PRKCA: variants seen among roughly 807,000 people sequenced by gnomAD.
PRKCA encodes protein kinase C alpha type.
Under a neutral mutation model 87.0 loss-of-function variants are expected in PRKCA, and 27 were observed. That is an observed-to-expected ratio of 0.31 (90% CI 0.23 to 0.43). PRKCA has a LOEUF of 0.43. PRKCA is among the 20% of genes least tolerant of loss of function. The pLI, the probability that PRKCA is intolerant of heterozygous loss-of-function variation, is 1.00. For synonymous variants in PRKCA, 329 were observed against 311.1 expected (o/e 1.06, Z -0.61); for missense variants, 518 against 852.3 (o/e 0.61, Z 4.88).
At chr17:66,647,406 A>G (rs771664914) in intron 5 of PRKCA, among the ~76,000 whole-genome samples, 3 of 152,192 alleles carry the variant, frequency 2.0e-5, no homozygotes, top group Non-Finnish European at 4.4e-5. Flanking sequence ...ATGGGTTTAC[A>G]TGTGGCTACC....
chr17:66,444,940 A>G (rs1009064534), intron 2 of PRKCA, among the ~76,000 whole-genome samples: 3 of 152,150 alleles, frequency 2.0e-5, no homozygotes, highest in South Asian at 2.1e-4. Flanking sequence ...AACACAACAC[A>G]CAACACACAC....
intron 2 of PRKCA, among the ~76,000 whole-genome samples, chr17:66,487,552 G>A (rs866757028): frequency 2.0e-5 from 3 of 152,104 alleles, no homozygotes; most frequent in Admixed American, 6.5e-5. Context: ...TGGGATTGGC[G>A]GATCTTATGG....
intron 3 of PRKCA, among the ~76,000 whole-genome samples, chr17:66,506,342 C>T (rs937735019): frequency 8.6e-5 from 13 of 151,564 alleles, no homozygotes; most frequent in African/African-American, 2.9e-4. Flanking sequence ...GGCAACATAG[C>T]GAGACCCTAT....
At chr17:66,488,010 T>G (rs1437528464) in intron 2 of PRKCA, among the ~76,000 whole-genome samples, 2 of 152,164 alleles carry the variant, frequency 1.3e-5, no homozygotes, top group East Asian at 3.9e-4. Flanking sequence ...TACCCCAAAA[T>G]TTTGTCCAGA....
intron 8 of PRKCA, chr17:66,696,452 A>G (rs909694835): frequency 3.3e-5 from 5 of 152,250 alleles, no homozygotes; most frequent in African/African-American, 1.2e-4. Context: ...AGACTGCCGC[A>G]TAGGACTGCT....
chr17:66,776,771 T>TCTTA (rs1975060911), intron 14 of PRKCA, among the ~76,000 whole-genome samples: 1 of 152,160 alleles, frequency 6.6e-6, no homozygotes, highest in Admixed American at 6.5e-5. Context: ...TCTTCCAGGG[T>TCTTA]CTTACATCTC....
chr17:66,706,298 C>T (rs1484853602), intron 8 of PRKCA, among the ~76,000 whole-genome samples: 2 of 151,620 alleles, frequency 1.3e-5, no homozygotes, highest in Non-Finnish European at 2.9e-5. Flanking sequence ...GAACTGTGAC[C>T]CACACCCAAC....
chr17:66,325,721 G>A (rs1461977147), intron 2 of PRKCA, among the ~76,000 whole-genome samples: 1 of 152,134 alleles, frequency 6.6e-6, no homozygotes, highest in Admixed American at 6.5e-5. Context: ...GGGTGGTTGT[G>A]ATTTATTGAA....
Position 66,659,093 on chromosome 17 carries a change from T to A in PRKCA, c.529+13582T>A, listed in dbSNP as rs150380521. 2.3e-3 allele frequency among the ~76,000 whole-genome samples: 348 copies of A among 152,312 alleles called. 1 individual carries two copies. Among genetic ancestry groups the A allele is most frequent in the African/African-American group, 8.1e-3 (336 of 41,566 alleles). On this transcript the variant is annotated intron_variant, in intron 5 of 16. Transcript: ENST00000413366. ...CTCTGCAAATTCAGATTAAGGCACT[T>A]GAACTACATGAACCCTGACGTTCCC...
chr17:66,692,049 G>T (rs1468466270), intron 8 of PRKCA, among the ~76,000 whole-genome samples: 1 of 152,220 alleles, frequency 6.6e-6, no homozygotes, highest in East Asian at 1.9e-4. Flanking sequence ...AGGCCGCAGG[G>T]CTGTTGCTGC....
At chr17:66,390,136 C>T (rs1031419792) in intron 2 of PRKCA, among the ~76,000 whole-genome samples, 9 of 152,138 alleles carry the variant, frequency 5.9e-5, no homozygotes, top group Non-Finnish European at 8.8e-5. Flanking sequence ...GCAGGAGAAT[C>T]GCTTGAACCC....
chr17:66,552,418 G>A (rs772383123), intron 3 of PRKCA, among the ~76,000 whole-genome samples: 6 of 152,188 alleles, frequency 3.9e-5, no homozygotes, highest in Admixed American at 3.3e-4. Flanking sequence ...GTTCAGCTGC[G>A]TGCTTGTGAT....
At chr17:66,442,027 A>G (rs75901234) in intron 2 of PRKCA, among the ~76,000 whole-genome samples, 3,604 of 151,648 alleles carry the variant, frequency 0.024, 49 homozygotes, top group South Asian at 0.054. Flanking sequence ...TATTTTTTAT[A>G]TAGCATCATG....
At chr17:66,688,200 T>C in intron 6 of PRKCA, 102 bp from the exon 7 acceptor site, 4 of 1,432,426 alleles carry the variant, frequency 2.8e-6, no homozygotes, top group Non-Finnish European at 3.8e-6. Context: ...GGAAGACAAA[T>C]ATACTATTTC....
intron 4 of PRKCA, among the ~76,000 whole-genome samples, chr17:66,644,457 C>T (rs966064369): frequency 1.3e-5 from 2 of 152,192 alleles, no homozygotes; most frequent in African/African-American, 4.8e-5. Flanking sequence ...GCTGGAACAC[C>T]CACACACAGT....
chr17:66,775,094 T>G, intron 14 of PRKCA: 1 of 985,420 alleles, frequency 1.0e-6, no homozygotes, highest in Non-Finnish European at 1.2e-6. Flanking sequence ...GAGGAATTAG[T>G]GGAGAAATCT....
intron 3 of PRKCA, among the ~76,000 whole-genome samples, chr17:66,555,204 G>A (rs1428081639): frequency 1.3e-5 from 2 of 152,300 alleles, no homozygotes; most frequent in Non-Finnish European, 2.9e-5. Context: ...TTTGAAGGCA[G>A]GTATCGTATC....
intron 2 of PRKCA, among the ~76,000 whole-genome samples, chr17:66,450,140 T>G (rs1914236988): frequency 6.6e-6 from 1 of 152,110 alleles, no homozygotes; most frequent in Non-Finnish European, 1.5e-5. Context: ...CGTTAACTCA[T>G]ACTGAGTGGA....
At chr17:66,795,228 A>T (rs926955383) in intron 16 of PRKCA, among the ~76,000 whole-genome samples, 3 of 152,086 alleles carry the variant, frequency 2.0e-5, no homozygotes, top group Non-Finnish European at 2.9e-5. Flanking sequence ...AGGAGGAGGG[A>T]GGGTCCCTGG....
Sources: allele counts gnomAD v4.1 joint callset (sites outside exome capture counted in the v4.1 genomes callset), GRCh38; gene constraint gnomAD v4.1.1; transcripts MANE v1.5; gene names NCBI Gene and HGNC (gene_info 2026-07-23, HGNC 2026-07-21).